Variants in EOGT observed in about 807,000 individuals in gnomAD.
EOGT encodes EGF domain specific O-linked N-acetylglucosamine transferase.
Under a neutral mutation model 70.5 loss-of-function variants are expected in EOGT, and 55 were observed. The observed-to-expected ratio is 0.78, with a 90% CI of 0.63 to 0.98. The LOEUF (loss-of-function observed/expected upper bound fraction) is 0.98, where lower values mean the gene tolerates loss of function less well. Among genes scored for constraint, EOGT ranks in the 50% least tolerant of loss-of-function variants. The pLI is 0.00. For missense variants in EOGT, 703 were observed against 641.9 expected (o/e 1.10, Z -1.03); for synonymous variants, 246 against 217.1 (o/e 1.13, Z -1.17).
At chr3:68,979,810 G>A in intron 15 of EOGT, 23 bp from the exon 16 acceptor site, 1 of 1,609,978 alleles carries the variant, frequency 6.2e-7, no homozygotes, top group Non-Finnish European at 8.5e-7. Flanking sequence ...AGAATAACAT[G>A]AGAGAGATGG....
intron 15 of EOGT, among the ~76,000 whole-genome samples, chr3:68,982,157 T>C (rs943201843): frequency 6.6e-6 from 1 of 152,122 alleles, no homozygotes; most frequent in Non-Finnish European, 1.5e-5. Context: ...AATCCACCCA[T>C]CTCAGTCTCC....
intron 14 of EOGT, among the ~76,000 whole-genome samples, chr3:68,986,834 T>A (rs1026511696): frequency 1.3e-5 from 2 of 152,186 alleles, no homozygotes; most frequent in African/African-American, 2.4e-5. Context: ...CTACTCTATC[T>A]CCAGGGCCTA....
chr3:68,978,557 G>A (rs2090540225), intron 16 of EOGT, 122 bp from the exon 17 acceptor site: 3 of 608,030 alleles, frequency 4.9e-6, no homozygotes, highest in Non-Finnish European at 8.7e-6. Context: ...AAACAAGACT[G>A]AGGAAGACAG....
chr3:68,980,852 T>C (rs1376120700), intron 15 of EOGT, among the ~76,000 whole-genome samples: 2 of 152,212 alleles, frequency 1.3e-5, no homozygotes, highest in Non-Finnish European at 2.9e-5. Flanking sequence ...GCCAACATGT[T>C]ACTAGTATTT....
At chr3:68,990,457 A>G (rs1437400155) in intron 10 of EOGT, among the ~76,000 whole-genome samples, 2 of 150,838 alleles carry the variant, frequency 1.3e-5, no homozygotes, top group African/African-American at 2.4e-5. Flanking sequence ...AGTTCAAGCA[A>G]TTCTCCTGCC....
Position 68,982,805 on chromosome 3 carries a change from A to T in EOGT, c.1214+6T>A, listed in dbSNP as rs1575712846. 2 of 1,600,094 alleles carry T rather than the reference A, an allele frequency of 1.2e-6. No individual in the cohort carries two copies. The highest frequency in any genetic ancestry group is 2.2e-5 in the East Asian group (1 of 44,476). On this transcript the variant is annotated splice_donor_region_variant and intron_variant, in intron 15 of 17. Transcript: ENST00000383701. The stretch of plus-strand genomic sequence containing the variant: ...ACAGTGTCTGCTGAGATTGGCTATT[A>T]CTTACCTATACTTGTAATCAACAAT...
intron 5 of EOGT, 62 bp downstream of exon 5, chr3:69,008,366 C>A: frequency 9.0e-7 from 1 of 1,110,388 alleles, no homozygotes; most frequent in Non-Finnish European, 1.4e-6. Flanking sequence ...GAAATTAGGG[C>A]ATCAACATAC....
intron 10 of EOGT, among the ~76,000 whole-genome samples, chr3:68,990,191 T>C (rs1000650791): frequency 5.3e-5 from 8 of 152,124 alleles, no homozygotes; most frequent in Admixed American, 1.3e-4. Flanking sequence ...TTCTCTATTT[T>C]GCAGATGAGG....
At chr3:68,982,741 T>C (rs2107165591) in intron 15 of EOGT, 70 bp downstream of exon 15, 1 of 1,148,840 alleles carries the variant, frequency 8.7e-7, no homozygotes, top group Non-Finnish European at 1.2e-6. Context: ...ACTGGAAAAA[T>C]GCTTTCTAGC....
rs866551824 is a variant in EOGT at position 69,007,517 on chromosome 3, T to G, written c.420+196A>C. ...AAATATAAAAATTAGCGGGGGGGGG[T>G]GGCACGCGCCTGTAATCCAAGCTAC... On this transcript the variant is annotated intron_variant, in intron 6 of 17. Transcript: ENST00000383701. Among the ~76,000 whole-genome samples, 1,320 of 32,712 alleles carry G rather than the reference T, an allele frequency of 0.04. 4 individuals are homozygous for G. Among genetic ancestry groups the G allele is most frequent in the Middle Eastern group, 0.071 (5 of 70 alleles). 21.5% of individuals were successfully genotyped at this position (32,712 alleles called of 152,430 possible). A position where few individuals can be genotyped will look rare whatever the true frequency, so the allele number is the denominator to read the frequency against.
At chr3:68,982,055 C>T (rs1359179407) in intron 15 of EOGT, among the ~76,000 whole-genome samples, 3 of 152,042 alleles carry the variant, frequency 2.0e-5, no homozygotes, top group East Asian at 3.9e-4. Flanking sequence ...TACAGGCACA[C>T]GCTGCCACAC....
intron 14 of EOGT, among the ~76,000 whole-genome samples, chr3:68,984,956 G>A (rs183658818): frequency 7.9e-5 from 12 of 152,092 alleles, no homozygotes; most frequent in African/African-American, 1.4e-4. Context: ...CTTGACTCAC[G>A]CCCCCGTTAC....
chr3:68,989,225 A>G (rs1156508696), intron 10 of EOGT, among the ~76,000 whole-genome samples: 7 of 152,154 alleles, frequency 4.6e-5, no homozygotes, highest in African/African-American at 1.7e-4. Context: ...AATTATCACA[A>G]TTATACTCTT....
chr3:69,010,065 G>T (rs2091539145), intron 3 of EOGT, among the ~76,000 whole-genome samples: 1 of 152,110 alleles, frequency 6.6e-6, no homozygotes, highest in African/African-American at 2.4e-5. Context: ...GTTAGCAAAT[G>T]GGTATACAGA....
intron 14 of EOGT, among the ~76,000 whole-genome samples, chr3:68,985,106 G>A (rs968718312): frequency 2.6e-5 from 4 of 152,174 alleles, no homozygotes; most frequent in Admixed American, 2.0e-4. Flanking sequence ...TACAAAAGGA[G>A]CACACAATAA....
Position 68,979,710 on chromosome 3 carries a change from G to C in EOGT, c.1292C>G (p.Thr431Ser). 1 of 1,613,882 alleles carries C rather than the reference G, an allele frequency of 6.2e-7. No homozygotes were observed. The highest frequency in any genetic ancestry group is 8.5e-7 in the Non-Finnish European group (1 of 1,179,876). The change falls in exon 16 of 18, where the codon ACC becomes AGC. Residue 431 changes from threonine to serine, a missense_variant. Transcript: ENST00000383701. ...CCAGTCTGGAAGGAAAAGTAAATGG[G>C]TCAGACCAGCTCCATGCATTCCAAT... ...IFIGMHGAGL[T>S]HLLFLPDWAA...
In EOGT at chr3:68,982,845, T is replaced by A; in HGVS notation, c.1180A>T (p.Thr394Ser). 6.2e-7 allele frequency: 1 copy of A among 1,604,984 alleles called. No homozygotes were observed. The highest frequency in any genetic ancestry group is 8.5e-7 in the Non-Finnish European group (1 of 1,175,810). Reference protein sequence around the residue: ...ELVNALKTVSTFEVQIVDYKY... With the variant: ...ELVNALKTVSSFEVQIVDYKY... ...TAATCAACAATCTGGACTTCAAATGTAGATACTGTTTTCAGTGCATTTACA... is the reference window on the plus strand; with the variant it reads ...TAATCAACAATCTGGACTTCAAATGAAGATACTGTTTTCAGTGCATTTACA... Residue 394 changes from threonine (T) to serine (S), a missense_variant, in exon 15 of 18, where the codon ACA (threonine) becomes TCA (serine). By Grantham distance (58) the Thr-to-Ser change is moderately conservative (BLOSUM62 1). Coordinates refer to ENST00000383701, the MANE Select transcript of EOGT (RefSeq NM_001278689.2).
intron 4 of EOGT, 99 bp from the exon 5 acceptor site, chr3:69,008,627 AT>A: frequency 1.3e-6 from 1 of 780,206 alleles, no homozygotes; most frequent in East Asian, 2.5e-5. Context: ...GAGCATTCAC[AT>A]TTACATTTAT....
chr3:68,989,717 C>T (rs1036099237), intron 10 of EOGT, among the ~76,000 whole-genome samples: 2 of 144,574 alleles, frequency 1.4e-5, no homozygotes, highest in Non-Finnish European at 3.0e-5. Context: ...CATTGCACTC[C>T]AGCCTGGGCA....
Sources: gnomAD v4.1 joint callset for allele counts (sites outside exome capture counted in the v4.1 genomes callset) on GRCh38, gnomAD v4.1.1 for gene constraint, MANE v1.5 for transcripts, NCBI Gene and HGNC (gene_info 2026-07-23, HGNC 2026-07-21) for gene names.